Variants in DCAF17 observed in about 807,000 individuals in gnomAD.
DCAF17 encodes the protein DDB1 and CUL4 associated factor 17, also known as DDB1- and CUL4-associated factor 17.
A neutral mutation model predicts 66.0 loss-of-function variants in DCAF17; 48 were observed. The observed-to-expected ratio is 0.73, with a 90% CI of 0.58 to 0.92. The LOEUF (loss-of-function observed/expected upper bound fraction) is 0.92. Ranked by LOEUF, DCAF17 falls within the 40% of genes least tolerant of loss-of-function variation. The pLI is 0.00. For synonymous variants in DCAF17, 206 were observed against 214.6 expected (o/e 0.96, Z 0.35); for missense variants, 562 against 622.8 (o/e 0.90, Z 1.04).
chr2:171,471,274 G>T (rs58808521), intron 9 of DCAF17, among the ~76,000 whole-genome samples: 6,813 of 152,092 alleles, frequency 0.045, 182 homozygotes, highest in South Asian at 0.067. Context: ...CAGAAGAGTA[G>T]ATAACTAAAA....
chr2:171,440,222 T>G (rs1205848000), intron 2 of DCAF17, among the ~76,000 whole-genome samples: 2 of 152,234 alleles, frequency 1.3e-5, no homozygotes, highest in African/African-American at 4.8e-5. Context: ...CTTCAAACTT[T>G]TGTATTTTGC....
intron 6 of DCAF17, among the ~76,000 whole-genome samples, chr2:171,453,763 T>A (rs1229045680): frequency 6.7e-6 from 1 of 149,222 alleles, no homozygotes; most frequent in African/African-American, 2.5e-5. Flanking sequence ...GATTCTACTT[T>A]AAAAAAAAAA....
rs1399568009 is a variant in DCAF17 at position 171,434,289 on chromosome 2, C to T, written c.-289C>T. 7 of 579,934 alleles carry T rather than the reference C, an allele frequency of 1.2e-5. No homozygotes were observed. Among genetic ancestry groups the T allele is most frequent in the South Asian group, 1.1e-4 (7 of 65,496 alleles). 35.9% of individuals were successfully genotyped at this position (579,934 alleles called of 1,614,324 possible). On this transcript the variant is annotated 5_prime_UTR_variant, in exon 1 of 14. Coordinates refer to ENST00000375255, the MANE Select transcript of DCAF17 (RefSeq NM_025000.4). Reference sequence around the variant, plus strand: ...TTTCCCGGTGAGAGAGCGGCTCCGGCCGGCCGCGCGGTACCGGAGCGTCGC... The same window carrying T: ...TTTCCCGGTGAGAGAGCGGCTCCGGTCGGCCGCGCGGTACCGGAGCGTCGC...
At position 171,439,020 on chromosome 2, in the gene DCAF17, G is replaced by C. The variant is rs528087089; in HGVS notation, c.230+3834G>C. The stretch of plus-strand genomic sequence containing the variant: ...TGAGGATTACAGACACGAGCCACCA[G>C]AACACTTTAGGTATTTATGTCTCTC... On this transcript the variant is annotated intron_variant, in intron 2 of 13. Coordinates refer to ENST00000375255, the MANE Select transcript of DCAF17 (RefSeq NM_025000.4). 7.2e-5 allele frequency among the ~76,000 whole-genome samples: 11 copies of C among 152,072 alleles called. No individual in the cohort carries two copies. In the East Asian group the frequency reaches 1.9e-3, roughly 27 times the overall value.
intron 3 of DCAF17, among the ~76,000 whole-genome samples, chr2:171,448,220 C>T (rs1694743658): frequency 6.6e-6 from 1 of 152,066 alleles, no homozygotes; most frequent in African/African-American, 2.4e-5. Flanking sequence ...CAGCCTTGAC[C>T]TCCCAGTCTC....
rs1030135100 is a variant in DCAF17 at position 171,480,950 on chromosome 2, C to G, written c.1423-24C>G. The G allele has an allele frequency of 5.6e-6, 9 of 1,613,254 alleles. No homozygotes were observed. The Admixed American group carries it at 1.2e-4, about 21-fold the overall frequency. ...TGAATATGGCTGTGTGAAAAGGACT[C>G]CATATGATTGTGTTTTGTTACAGAC... On this transcript the variant is annotated intron_variant, in intron 13 of 13. Coordinates refer to ENST00000375255, the MANE Select transcript of DCAF17 (RefSeq NM_025000.4).
intron 6 of DCAF17, among the ~76,000 whole-genome samples, chr2:171,456,791 T>A (rs1695285647): frequency 6.6e-6 from 1 of 152,202 alleles, no homozygotes; most frequent in African/African-American, 2.4e-5. Flanking sequence ...TGACTGTGGT[T>A]GTTGTATAGG....
intron 9 of DCAF17, among the ~76,000 whole-genome samples, chr2:171,472,657 C>A (rs1432640477): frequency 6.6e-6 from 1 of 152,080 alleles, no homozygotes; most frequent in Non-Finnish European, 1.5e-5. Context: ...ACAATAACTG[C>A]GTTATTATTT....
In DCAF17 at chr2:171,458,394, T is replaced by G. The variant is rs751624341; in HGVS notation, c.755T>G (p.Leu252Ter). Residue 252 changes from leucine (L) to a stop codon, truncating the protein, a stop_gained, in exon 8 of 14, where the codon TTA becomes TGA. Coordinates refer to ENST00000375255, the MANE Select transcript of DCAF17 (RefSeq NM_025000.4). LOFTEE classifies it high-confidence loss of function. ...TAGTTCATGCAACAGAAACTTGACT[T>G]AGGGTGTGCATGCAGATGGGGTGGG... ...AEQFMQQKLDLGCACRWGGTT... is the reference protein window; with the variant it reads ...AEQFMQQKLD 2.5e-6 allele frequency: 4 copies of G among 1,613,896 alleles called. No homozygotes were observed. The highest frequency in any genetic ancestry group is 2.5e-6 in the Non-Finnish European group (3 of 1,179,938).
chr2:171,438,752 C>T (rs761537068), intron 2 of DCAF17, among the ~76,000 whole-genome samples: 4 of 151,808 alleles, frequency 2.6e-5, no homozygotes, highest in Non-Finnish European at 4.4e-5. Flanking sequence ...TTTTTCCCCC[C>T]CAAAGTCAGG....
intron 12 of DCAF17, among the ~76,000 whole-genome samples, chr2:171,479,455 C>G (rs1696641764): frequency 1.3e-5 from 2 of 152,270 alleles, no homozygotes; most frequent in Admixed American, 1.3e-4. Context: ...CAGTCCTGTT[C>G]TGTGGGTTGG....
intron 2 of DCAF17, 104 bp downstream of exon 2, chr2:171,435,290 GA>G: frequency 2.3e-6 from 2 of 859,698 alleles, no homozygotes; most frequent in East Asian, 2.6e-5. Flanking sequence ...GAAATAGAAT[GA>G]AAAAAATGGG....
chr2:171,462,340 T>C (rs1226546280), intron 8 of DCAF17, among the ~76,000 whole-genome samples: 2 of 152,158 alleles, frequency 1.3e-5, no homozygotes, highest in African/African-American at 2.4e-5. Flanking sequence ...TGGGGCAATT[T>C]CCTTAATATG....
intron 8 of DCAF17, among the ~76,000 whole-genome samples, chr2:171,463,350 TTTGTGTAAAGTA>T (rs1269899983): frequency 7.9e-5 from 12 of 151,844 alleles, no homozygotes; most frequent in Admixed American, 6.6e-4. Flanking sequence ...AAAATCTTCA[TTTGTGTAAAGTA>T]TTGTGTAAAG....
In DCAF17 at chr2:171,484,584, A is replaced by T. The variant is rs1321518865; in HGVS notation, c.*3470A>T. ...AGTTTAGTATTTATTTAGTTTTTAA[A>T]TTTTTTTGATTTAAGATTTACCTGC... On this transcript the variant is annotated 3_prime_UTR_variant, in exon 14 of 14. Coordinates refer to ENST00000375255, the MANE Select transcript of DCAF17 (RefSeq NM_025000.4). 6.6e-6 allele frequency: 3 copies of T among 451,764 alleles called. No homozygotes were observed. The highest frequency in any genetic ancestry group is 1.6e-5 in the South Asian group (1 of 63,472). The allele number at this position is 451,764 out of a possible 1,614,324, so 28.0% of individuals were successfully genotyped here.
At chr2:171,458,190 TAAA>T (rs1695371514) in intron 7 of DCAF17, 115 bp downstream of exon 7, 5 of 1,116,212 alleles carry the variant, frequency 4.5e-6, no homozygotes, top group Middle Eastern at 5.2e-4. Context: ...ATTTTGGCTC[TAAA>T]AAACTGTAGA....
At chr2:171,445,864 G>A (rs1247799130) in intron 3 of DCAF17, among the ~76,000 whole-genome samples, 1 of 151,658 alleles carries the variant, frequency 6.6e-6, no homozygotes, top group African/African-American at 2.4e-5. Context: ...TGTATTTTTT[G>A]TAGAGGTGGG....
At chr2:171,469,056 T>C (rs1264281475) in intron 9 of DCAF17, 26 bp downstream of exon 9, 15 of 1,613,360 alleles carry the variant, frequency 9.3e-6, no homozygotes, top group Non-Finnish European at 1.2e-5. Flanking sequence ...GACTTTTTAT[T>C]AGCAAATTTG....
Position 171,481,789 on chromosome 2 carries a change from T to C in DCAF17, c.*675T>C. 1 of 453,532 alleles carries C rather than the reference T, an allele frequency of 2.2e-6. No homozygotes were observed. The highest frequency in any genetic ancestry group is 4.4e-6 in the Non-Finnish European group (1 of 226,598). The allele number at this position is 453,532 out of a possible 1,614,324, so 28.1% of individuals were successfully genotyped here. Reference sequence around the variant, plus strand: ...TTTCTATATAGGCTAATGTAAAAGATTCCAAGCAAACCTTAAGTGAAATTG... The same window carrying C: ...TTTCTATATAGGCTAATGTAAAAGACTCCAAGCAAACCTTAAGTGAAATTG... On this transcript the variant is annotated 3_prime_UTR_variant, in exon 14 of 14. Coordinates refer to ENST00000375255, the MANE Select transcript of DCAF17 (RefSeq NM_025000.4).
Sources: gnomAD v4.1 joint callset for allele counts (sites outside exome capture counted in the v4.1 genomes callset) on GRCh38, gnomAD v4.1.1 for gene constraint, MANE v1.5 for transcripts, NCBI Gene and HGNC (gene_info 2026-07-23, HGNC 2026-07-21) for gene names.